Variants in PCLO observed in about 807,000 individuals in gnomAD.
PCLO encodes piccolo presynaptic cytomatrix protein.
PCLO carries 82 observed loss-of-function variants against 427.5 expected under a neutral mutation model. That is an observed-to-expected ratio of 0.19 (90% confidence interval 0.16 to 0.23). PCLO has a LOEUF of 0.23. Among genes scored for constraint, PCLO ranks in the 10% least tolerant of loss-of-function variants. The pLI is 1.00. For missense variants in PCLO, 6,239 were observed against 6,115.9 expected (o/e 1.02, Z -0.67); for synonymous variants, 2,357 against 2,155.4 (o/e 1.09, Z -2.59).
At chr7:83,008,162 T>C (rs949458653) in intron 3 of PCLO, among the ~76,000 whole-genome samples, 11 of 151,660 alleles carry the variant, frequency 7.3e-5, no homozygotes, top group Admixed American at 3.3e-4. Flanking sequence ...TATTATAGGA[T>C]TCCACTCTCT....
chr7:83,162,492 TGA>T lies in PCLO; in HGVS notation c.99_100del (p.Thr35ArgfsTer54). ...CTCCATGCCGGCCGGGATCGCGGTG[TGA>T]GAGGGGCTCCCCGCCCCGCTAGCTC... On this transcript the variant is annotated frameshift_variant, in exon 1 of 25. Transcript: ENST00000333891. LOFTEE classifies it high-confidence loss of function. The T allele has an allele frequency of 6.4e-7, 1 of 1,572,544 alleles. No individual in the cohort carries two copies. Among genetic ancestry groups the T allele is most frequent in the Non-Finnish European group, 8.6e-7 (1 of 1,158,974 alleles).
chr7:82,783,289 CTTAGAG>C (rs1386196751), intron 22 of PCLO, among the ~76,000 whole-genome samples: 7 of 152,276 alleles, frequency 4.6e-5, no homozygotes, highest in African/African-American at 1.7e-4. Flanking sequence ...ACTGCCTTAT[CTTAGAG>C]TTAAAGAAAT....
At chr7:82,794,104 C>A (rs1791164318) in intron 22 of PCLO, among the ~76,000 whole-genome samples, 1 of 152,028 alleles carries the variant, frequency 6.6e-6, no homozygotes, top group Admixed American at 6.6e-5. Flanking sequence ...GAATTCTTAT[C>A]TTTTCTTCTT....
Position 82,978,643 on chromosome 7 carries a change from T to C in PCLO, c.3301-12156A>G, listed in dbSNP as rs539531323. 3.9e-5 allele frequency among the ~76,000 whole-genome samples: 6 copies of C among 152,256 alleles called. No homozygotes were observed. The South Asian group carries it at 1.2e-3, about 32-fold the overall frequency. On this transcript the variant is annotated intron_variant, in intron 3 of 24. Coordinates refer to ENST00000333891, the MANE Select transcript of PCLO (RefSeq NM_033026.6). ...TGAATATACAACATATACATACATA[T>C]TCATGTCTACATCCTCATTTAGTCA...
Position 83,162,663 on chromosome 7 carries a change from G to A in PCLO, c.-71C>T. ...TCCCAGTCGAGAAGCCCGCGGCCAGGGGAGCAGTCAGAGCCGGGGTCCGCC... is the reference window on the plus strand; with the variant it reads ...TCCCAGTCGAGAAGCCCGCGGCCAGAGGAGCAGTCAGAGCCGGGGTCCGCC... On this transcript the variant is annotated 5_prime_UTR_variant, in exon 1 of 25. Coordinates refer to ENST00000333891, the MANE Select transcript of PCLO (RefSeq NM_033026.6). 1.4e-6 allele frequency: 2 copies of A among 1,466,498 alleles called. No homozygotes were observed. Among genetic ancestry groups the A allele is most frequent in the African/African-American group, 2.8e-5 (2 of 71,072 alleles). The allele number at this position is 1,466,498 out of a possible 1,614,324, so 90.8% of individuals were successfully genotyped here.
intron 3 of PCLO, among the ~76,000 whole-genome samples, chr7:83,114,520 T>C (rs776504667): frequency 5.3e-5 from 8 of 152,074 alleles, no homozygotes; most frequent in Non-Finnish European, 1.0e-4. Context: ...ATAGGGAGAC[T>C]GCACAAATCA....
intron 10 of PCLO, among the ~76,000 whole-genome samples, chr7:82,870,809 AAG>A (rs1219925427): frequency 6.6e-6 from 1 of 152,108 alleles, no homozygotes; most frequent in African/African-American, 2.4e-5. Flanking sequence ...TTCTCAAAAG[AAG>A]ACATACAAAT....
At chr7:82,761,168 A>G (rs1183384254) in intron 23 of PCLO, among the ~76,000 whole-genome samples, 191 bp downstream of exon 23, 1 of 151,828 alleles carries the variant, frequency 6.6e-6, no homozygotes, top group Non-Finnish European at 1.5e-5. Context: ...TAATGAATAT[A>G]ACACTATAAT....
chr7:83,152,444 G>A (rs927352272), intron 2 of PCLO, among the ~76,000 whole-genome samples: 42 of 152,232 alleles, frequency 2.8e-4, no homozygotes, highest in South Asian at 1.0e-3. Context: ...CATCAAATGT[G>A]TATCATATTA....
intron 6 of PCLO, among the ~76,000 whole-genome samples, chr7:82,937,161 C>T (rs539570994): frequency 3.3e-5 from 5 of 151,710 alleles, no homozygotes; most frequent in Admixed American, 1.3e-4. Context: ...GTGTGAATTT[C>T]GCCTCAATTA....
At chr7:82,889,863 T>C (rs191141859) in intron 9 of PCLO, among the ~76,000 whole-genome samples, 189 of 152,214 alleles carry the variant, frequency 1.2e-3, no homozygotes, top group East Asian at 8.5e-3. Flanking sequence ...ATTAAAGATA[T>C]GTATCTGAAC....
At chr7:83,095,896 CTT>C (rs35402267) in intron 3 of PCLO, among the ~76,000 whole-genome samples, 6,781 of 152,060 alleles carry the variant, frequency 0.045, 180 homozygotes, top group South Asian at 0.095. Context: ...TATGTAGACT[CTT>C]GTGTTGTTGG....
intron 3 of PCLO, among the ~76,000 whole-genome samples, chr7:83,110,076 C>A (rs1790964168): frequency 6.7e-6 from 1 of 150,354 alleles, no homozygotes; most frequent in Non-Finnish European, 1.5e-5. Flanking sequence ...TGGAACCTGG[C>A]CCCCAAGCAG....
chr7:82,968,235 T>C (rs1246174812), intron 3 of PCLO, among the ~76,000 whole-genome samples: 1 of 152,200 alleles, frequency 6.6e-6, no homozygotes, highest in Non-Finnish European at 1.5e-5. Flanking sequence ...TTGCTTTTTG[T>C]GTATATAATC....
rs767625484 is a variant in PCLO, at chr7:82,950,998, T to C, written c.9590A>G (p.Asp3197Gly). 1.2e-6 allele frequency: 2 copies of C among 1,613,812 alleles called. No individual in the cohort carries two copies. The highest frequency in any genetic ancestry group is 1.7e-6 in the Non-Finnish European group (2 of 1,179,848). ...AGGGACAATTAAAAGAGCACTTTCA[T>C]CTCCCACCACTTCAGGAAACACTTC... Reference protein sequence around the residue: ...ASEVFPEVVGDESALLIVPEE... With the variant: ...ASEVFPEVVGGESALLIVPEE... The change falls in exon 6 of 25, where the codon GAT becomes GGT. Residue 3197 changes from aspartate (D) to glycine (G), a missense_variant. This residue lies in a region of PCLO where 4,677 missense variants were observed against 4,468.4 expected (regional missense o/e 1.05). Transcript: ENST00000333891.
At chr7:82,886,549 T>C (rs1292702375) in intron 9 of PCLO, among the ~76,000 whole-genome samples, 1 of 152,136 alleles carries the variant, frequency 6.6e-6, no homozygotes, top group Admixed American at 6.6e-5. Flanking sequence ...TCATTTTAGG[T>C]ATATAAATGA....
At chr7:82,931,863 T>A (rs1407731514) in intron 6 of PCLO, among the ~76,000 whole-genome samples, 3 of 151,992 alleles carry the variant, frequency 2.0e-5, no homozygotes, top group African/African-American at 7.3e-5. Context: ...AGGGCATAAA[T>A]ACAAGGATAT....
intron 10 of PCLO, among the ~76,000 whole-genome samples, chr7:82,869,952 T>G (rs1793190725): frequency 6.6e-6 from 1 of 152,020 alleles, no homozygotes; most frequent in Non-Finnish European, 1.5e-5. Context: ...ACATAAAAAA[T>G]GGAAAGATAT....
intron 3 of PCLO, among the ~76,000 whole-genome samples, chr7:82,986,154 A>G (rs1400833074): frequency 6.6e-6 from 1 of 151,942 alleles, no homozygotes; most frequent in African/African-American, 2.4e-5. Flanking sequence ...GAGAAAAAAC[A>G]TAAGAATTCT....
Sources: allele counts gnomAD v4.1 joint callset (sites outside exome capture counted in the v4.1 genomes callset), GRCh38; gene constraint gnomAD v4.1.1; regional missense constraint gnomAD v4.1.1; transcripts MANE v1.5; gene names NCBI Gene and HGNC (gene_info 2026-07-23, HGNC 2026-07-21).